PYGL: variants seen among roughly 807,000 people sequenced by gnomAD.
PYGL encodes glycogen phosphorylase, liver form.
In PYGL, 90 loss-of-function variants were observed where a neutral mutation model predicts 100.1. That is an observed-to-expected ratio of 0.90 (90% CI 0.76 to 1.07). The LOEUF (loss-of-function observed/expected upper bound fraction) is 1.07. PYGL is among the 50% of genes least tolerant of loss of function. The pLI is 0.00. For missense variants in PYGL, 1,016 were observed against 1,057.6 expected, an observed-to-expected ratio of 0.96 and a Z score of 0.55; for synonymous variants, 373 against 393.0, an observed-to-expected ratio of 0.95 and a Z score of 0.60.
chr14:50,908,101 G>T (rs924645329), intron 19 of PYGL, 170 bp downstream of exon 19: 359 of 445,712 alleles, frequency 8.1e-4, no homozygotes, highest in Middle Eastern at 1.2e-3. Flanking sequence ...AAAAGACAAG[G>T]TTTTTTTTTT....
At chr14:50,910,249 TCA>T in intron 16 of PYGL, 147 bp from the exon 17 acceptor site, 1 of 834,530 alleles carries the variant, frequency 1.2e-6, no homozygotes, top group South Asian at 1.7e-5. Context: ...AGAAGGCAGA[TCA>T]CACTCTTTCC....
intron 5 of PYGL, chr14:50,921,415 A>G (rs559867840): frequency 2.3e-4 from 51 of 219,750 alleles, no homozygotes; most frequent in African/African-American, 1.2e-3. Flanking sequence ...TTTTTTTGAG[A>G]CGGAGTCTCA....
intron 4 of PYGL, among the ~76,000 whole-genome samples, chr14:50,925,305 C>G (rs2050537525): frequency 6.6e-6 from 1 of 152,216 alleles, no homozygotes; most frequent in Admixed American, 6.5e-5. Context: ...TATGGGACCA[C>G]TATTGCATAT....
At chr14:50,937,935 A>G in intron 1 of PYGL, 98 bp from the exon 2 acceptor site, 4 of 1,081,090 alleles carry the variant, frequency 3.7e-6, no homozygotes, top group Non-Finnish European at 5.6e-6. Context: ...ATAAGAAACA[A>G]ACAGGCAGGA....
intron 2 of PYGL, 85 bp downstream of exon 2, chr14:50,937,650 TA>T (rs761500652): frequency 5.3e-6 from 7 of 1,326,410 alleles, no homozygotes; most frequent in East Asian, 4.6e-5. Context: ...TATTTTACTT[TA>T]TTTTTTTGTG....
Position 50,908,801 on chromosome 14 carries a change from A to G in PYGL, c.2312+20T>C. ...CCCCTTTCATGATCCAAATAGCACC[A>G]TCTTCTTATGGGAACTCACCTGTCA... is the stretch of plus-strand genomic sequence containing the variant. On this transcript the variant is annotated intron_variant, in intron 18 of 19. Transcript: ENST00000216392. 6.5e-7 allele frequency: 1 copy of G among 1,545,420 alleles called. No homozygotes were observed. Among genetic ancestry groups the G allele is most frequent in the South Asian group, 1.1e-5 (1 of 89,670 alleles).
chr14:50,907,296 T>C (rs1360518616), intron 19 of PYGL, among the ~76,000 whole-genome samples: 1 of 152,138 alleles, frequency 6.6e-6, no homozygotes, highest in East Asian at 1.9e-4. Context: ...TATATTCTAT[T>C]GATACAGCCC....
chr14:50,922,699 G>A (rs1173708228), intron 5 of PYGL, among the ~76,000 whole-genome samples: 1 of 152,184 alleles, frequency 6.6e-6, no homozygotes, highest in Non-Finnish European at 1.5e-5. Context: ...AATCTTTAGT[G>A]TCAGGCTCCA....
chr14:50,911,636 T>A, intron 16 of PYGL, 94 bp downstream of exon 16: 1 of 1,496,042 alleles, frequency 6.7e-7, no homozygotes, highest in South Asian at 1.2e-5. Context: ...TATCCTAAGT[T>A]ACTAGCTCCT....
chr14:50,920,574 C>T lies in PYGL; in HGVS notation c.822G>A (p.Glu274=). The T allele has an allele frequency of 2.5e-6, 4 of 1,613,602 alleles. No individual in the cohort carries two copies. The highest frequency in any genetic ancestry group is 3.4e-6 in the Non-Finnish European group (4 of 1,179,530). The change falls in exon 7 of 20, where the codon GAG becomes GAA. Residue 274 remains glutamate, a synonymous_variant. Transcript: ENST00000216392. ...IQAVLDRNLA[E]NISRVLYPND... ...TGGGATAGAGGACCCGGGAGATGTTCTCGGCCAGGTTTCGGTCCAGCACAG... is the reference window on the plus strand; with the variant it reads ...TGGGATAGAGGACCCGGGAGATGTTTTCGGCCAGGTTTCGGTCCAGCACAG...
chr14:50,934,679 G>A (rs1443794334), intron 3 of PYGL, among the ~76,000 whole-genome samples: 1 of 151,952 alleles, frequency 6.6e-6, no homozygotes, highest in Non-Finnish European at 1.5e-5. Flanking sequence ...ATATGTGTGT[G>A]TGTGTTTGTG....
At chr14:50,925,860 G>C (rs1007547763) in intron 4 of PYGL, among the ~76,000 whole-genome samples, 15 of 152,140 alleles carry the variant, frequency 9.9e-5, no homozygotes, top group African/African-American at 3.6e-4. Context: ...CCTAGGGAAG[G>C]CTGGAGAGAG....
At chr14:50,935,052 A>C in intron 3 of PYGL, 55 bp downstream of exon 3, 1 of 1,493,498 alleles carries the variant, frequency 6.7e-7, no homozygotes, top group Non-Finnish European at 9.3e-7. Flanking sequence ...CATGCATGGC[A>C]TCTGAGATGT....
chr14:50,942,142 T>C (rs138621106), intron 1 of PYGL, among the ~76,000 whole-genome samples: 2 of 152,300 alleles, frequency 1.3e-5, no homozygotes, highest in African/African-American at 4.8e-5. Flanking sequence ...AACCATCCTG[T>C]TTAGACAGAC....
chr14:50,907,296 T>G (rs1360518616), intron 19 of PYGL, among the ~76,000 whole-genome samples: 2 of 152,256 alleles, frequency 1.3e-5, no homozygotes, highest in South Asian at 4.2e-4. Context: ...TATATTCTAT[T>G]GATACAGCCC....
At chr14:50,928,465 C>T (rs1043878913) in intron 4 of PYGL, among the ~76,000 whole-genome samples, 55 of 152,068 alleles carry the variant, frequency 3.6e-4, no homozygotes, top group Non-Finnish European at 6.9e-4. Flanking sequence ...GATCCAGCTC[C>T]GAGATACATA....
Position 50,908,282 on chromosome 14 carries a change from G to C in PYGL, c.2368C>G (p.Gln790Glu), listed in dbSNP as rs761029493. 1.3e-5 allele frequency: 21 copies of C among 1,593,600 alleles called. No individual in the cohort carries two copies. The change falls in exon 19 of 20, where the codon CAG becomes GAG. Residue 790 changes from glutamine (Q) to glutamate (E), a missense_variant. Physicochemically the swap from Gln to Glu is conservative, Grantham distance 29. Coordinates refer to ENST00000216392, the MANE Select transcript of PYGL (RefSeq NM_002863.5). ...AYVKCQDKVS[Q>E]LYMNPKAWNT... ...GGCAATTTACTCACCATGTACAGCT[G>C]ACTCACTTTATCTTGACACTTGACA...
chr14:50,921,269 T>C (rs1257136421), intron 5 of PYGL: 2 of 583,658 alleles, frequency 3.4e-6, no homozygotes, highest in African/African-American at 3.7e-5. Flanking sequence ...CCTGGTACAA[T>C]CTAGTGACTG....
At chr14:50,925,091 G>A (rs561963562) in intron 4 of PYGL, among the ~76,000 whole-genome samples, 7 of 152,308 alleles carry the variant, frequency 4.6e-5, no homozygotes, top group East Asian at 1.9e-4. Context: ...AACCCAGATG[G>A]TGCTGCCTAC....
Sources: gnomAD v4.1 joint callset for allele counts (sites outside exome capture counted in the v4.1 genomes callset) on GRCh38, gnomAD v4.1.1 for gene constraint, MANE v1.5 for transcripts, NCBI Gene and HGNC (gene_info 2026-07-23, HGNC 2026-07-21) for gene names.